Variants in MGAT4D observed in about 807,000 individuals in gnomAD.
MGAT4D encodes the protein MGAT4 family member D, also known as alpha-1,3-mannosyl-glycoprotein 4-beta-N-acetylglucosaminyltransferase-like protein MGAT4D.
A neutral mutation model predicts 15.9 loss-of-function variants in MGAT4D; 34 were observed. That is an observed-to-expected ratio of 2.14 (90% CI 1.62 to 2.84). The LOEUF (loss-of-function observed/expected upper bound fraction) is 2.84. Ranked by LOEUF, MGAT4D falls within the 30% of genes most tolerant of loss-of-function variation. The pLI, the probability that MGAT4D is intolerant of heterozygous loss-of-function variation, is 0.00. For synonymous variants in MGAT4D, 112 were observed against 48.2 expected, an observed-to-expected ratio of 2.33 and a Z score of -5.49; for missense variants, 327 against 140.2, an observed-to-expected ratio of 2.33 and a Z score of -6.73.
rs969971231 is a variant in MGAT4D, at chr4:140,495,395, G to A, written c.94+2734C>T. On this transcript the variant is annotated intron_variant, in intron 1 of 10. Transcript: ENST00000511113. ...GTTTGTTGTTTACTTCCCGTAAGCA[G>A]AATGTAAGCTTCATGAAAGGGAGGG... is the stretch of plus-strand genomic sequence containing the variant. Among the ~76,000 whole-genome samples the A allele has an allele frequency of 3.9e-5, 6 of 152,302 alleles. No individual in the cohort carries two copies. The South Asian group carries it at 8.3e-4, about 21-fold the overall frequency.
chr4:140,469,052 G>A (rs1731739973), intron 5 of MGAT4D, among the ~76,000 whole-genome samples: 1 of 152,040 alleles, frequency 6.6e-6, no homozygotes, highest in African/African-American at 2.4e-5. Flanking sequence ...AAAACTCCAG[G>A]TGCTTCCACC....
chr4:140,492,627 CAA>C (rs57107544), intron 1 of MGAT4D, among the ~76,000 whole-genome samples: 12,756 of 113,674 alleles, frequency 0.11, 533 homozygotes, highest in Admixed American at 0.14. Context: ...GACTCTGTCT[CAA>C]AAAAAAAAAA....
intron 1 of MGAT4D, among the ~76,000 whole-genome samples, chr4:140,485,841 A>AAAAAAAAAAAAAAAAAAG (rs1733084664): frequency 7.2e-6 from 1 of 138,696 alleles, no homozygotes; most frequent in Non-Finnish European, 1.6e-5. Flanking sequence ...AAAAAAAAAA[A>AAAAAAAAAAAAAAAAAAG]AAAAAAAGCA....
chr4:140,456,485 T>G (rs541420738), intron 9 of MGAT4D, 104 bp downstream of exon 9: 7 of 426,886 alleles, frequency 1.6e-5, no homozygotes, highest in East Asian at 7.0e-5. Flanking sequence ...TTTTAAAAAT[T>G]GGTGCATTTA....
intron 1 of MGAT4D, among the ~76,000 whole-genome samples, chr4:140,492,156 A>G (rs890787883): frequency 3.9e-5 from 6 of 152,118 alleles, no homozygotes; most frequent in African/African-American, 1.4e-4. Context: ...TGGGGGGGAA[A>G]ATGTATAATA....
intron 9 of MGAT4D, among the ~76,000 whole-genome samples, chr4:140,454,902 A>T (rs116412460): frequency 0.22 from 30,272 of 139,762 alleles, 3,103 homozygotes; most frequent in South Asian, 0.32. Flanking sequence ...CCTTATGGAA[A>T]ATCCTTTTAG....
At chr4:140,493,486 G>T (rs1274885594) in intron 1 of MGAT4D, among the ~76,000 whole-genome samples, 1 of 151,620 alleles carries the variant, frequency 6.6e-6, no homozygotes, top group Non-Finnish European at 1.5e-5. Context: ...TAGTAGAGAT[G>T]GGGTTTCACT....
At chr4:140,487,581 AAGTAAACAATGGGC>A (rs1733227993) in intron 1 of MGAT4D, among the ~76,000 whole-genome samples, 1 of 152,208 alleles carries the variant, frequency 6.6e-6, no homozygotes, top group Non-Finnish European at 1.5e-5. Context: ...TTCAACATAA[AAGTAAACAATGGGC>A]TATTTTACAT....
At chr4:140,497,797 A>G (rs954760574) in intron 1 of MGAT4D, among the ~76,000 whole-genome samples, 2 of 152,266 alleles carry the variant, frequency 1.3e-5, no homozygotes, top group Non-Finnish European at 2.9e-5. Flanking sequence ...AAGGAAGAAC[A>G]GGAGAGGGGA....
chr4:140,464,960 C>A lies in MGAT4D; in HGVS notation c.622G>T (p.Ala208Ser), dbSNP rs1383987956. The A allele has an allele frequency of 7.1e-6, 5 of 702,698 alleles. No individual in the cohort carries two copies. The East Asian group carries it at 1.3e-4, about 19-fold the overall frequency. The allele number at this position is 702,698 out of a possible 1,614,324, so 43.5% of individuals were successfully genotyped here. Reference protein sequence around the residue: ...SGSLEVISIPAFLYSSMLNAK... With the variant: ...SGSLEVISIPSFLYSSMLNAK... ...TTTAACATGCTTGAGTATAAAAAGGCAGGTATTGAAATGACCTCTAAGGAT... is the reference window on the plus strand; with the variant it reads ...TTTAACATGCTTGAGTATAAAAAGGAAGGTATTGAAATGACCTCTAAGGAT... Residue 208 changes from alanine to serine, a missense_variant, in exon 6 of 11, where the codon GCC becomes TCC. Physicochemically the swap from Ala to Ser is moderately conservative, Grantham distance 99. Coordinates refer to ENST00000511113, the MANE Select transcript of MGAT4D (RefSeq NM_001277353.2).
At chr4:140,472,562 A>G (rs1402734336) in intron 4 of MGAT4D, among the ~76,000 whole-genome samples, 1 of 152,248 alleles carries the variant, frequency 6.6e-6, no homozygotes, top group African/African-American at 2.4e-5. Context: ...GTTTAAAAAT[A>G]GCAGACATGA....
chr4:140,444,684 T>C (rs1729971717), intron 10 of MGAT4D, among the ~76,000 whole-genome samples: 1 of 152,216 alleles, frequency 6.6e-6, no homozygotes, highest in Non-Finnish European at 1.5e-5. Flanking sequence ...TATGTGTGCA[T>C]GTGTCTTTAT....
Position 140,480,685 on chromosome 4 carries a change from G to A in MGAT4D, c.254-1058C>T, listed in dbSNP as rs77317075. ...AGTTAAAGAAACTGGCAAAACAGGA[G>A]TTTGAGAACAGCATGAGCAATATAG... On this transcript the variant is annotated intron_variant, in intron 2 of 10. Coordinates refer to ENST00000511113, the MANE Select transcript of MGAT4D (RefSeq NM_001277353.2). Among the ~76,000 whole-genome samples, 1,214 of 151,398 alleles carry A rather than the reference G, an allele frequency of 8.0e-3. 6 individuals are homozygous for A. The highest frequency in any genetic ancestry group is 0.012 in the Non-Finnish European group (830 of 67,888).
At chr4:140,471,338 A>AGGATTTGGAAGGCAGGGTCCATTT (rs1248267827) in intron 5 of MGAT4D, among the ~76,000 whole-genome samples, 1 of 148,734 alleles carries the variant, frequency 6.7e-6, no homozygotes, top group Non-Finnish European at 1.5e-5. Context: ...ATTTGAACTT[A>AGGATTTGGAAGGCAGGGTCCATTT]GGATTTGGAA....
intron 1 of MGAT4D, among the ~76,000 whole-genome samples, chr4:140,497,023 G>A (rs766421391): frequency 6.6e-6 from 1 of 152,098 alleles, no homozygotes; most frequent in Non-Finnish European, 1.5e-5. Context: ...ATATTATAAT[G>A]CAGATAAATT....
chr4:140,446,010 A>T (rs2126658638), intron 10 of MGAT4D, among the ~76,000 whole-genome samples: 1 of 152,326 alleles, frequency 6.6e-6, no homozygotes, highest in Middle Eastern at 3.4e-3. Flanking sequence ...CATGCCAGGG[A>T]TAAAGCTTAC....
chr4:140,470,341 A>G (rs1731842030), intron 5 of MGAT4D, among the ~76,000 whole-genome samples: 1 of 152,178 alleles, frequency 6.6e-6, no homozygotes, highest in Admixed American at 6.5e-5. Context: ...TTCATTCTAC[A>G]CTTACTAGCT....
intron 10 of MGAT4D, among the ~76,000 whole-genome samples, chr4:140,446,480 T>C (rs920964720): frequency 1.3e-5 from 2 of 152,178 alleles, no homozygotes; most frequent in African/African-American, 2.4e-5. Flanking sequence ...CAGTCTCTTA[T>C]GGTTATTTGT....
chr4:140,442,677 T>C lies in MGAT4D; in HGVS notation c.*759A>G, dbSNP rs1729850008. On this transcript the variant is annotated 3_prime_UTR_variant, in exon 11 of 11. Transcript: ENST00000511113. The stretch of plus-strand genomic sequence containing the variant: ...TATTTAAAAGGGAGTATACAGAAAC[T>C]ATACATTCTTTCCAAAGTCATATGG... 1 of 152,094 alleles carries C rather than the reference T, an allele frequency of 6.6e-6. No homozygotes were observed. The highest frequency in any genetic ancestry group is 1.5e-5 in the Non-Finnish European group (1 of 67,978). 9.4% of individuals were successfully genotyped at this position (152,094 alleles called of 1,614,324 possible).
Sources: allele counts gnomAD v4.1 joint callset (sites outside exome capture counted in the v4.1 genomes callset), GRCh38; gene constraint gnomAD v4.1.1; transcripts MANE v1.5; gene names NCBI Gene and HGNC (gene_info 2026-07-23, HGNC 2026-07-21).